Variants in RBFOX1 observed in about 807,000 individuals in gnomAD.
RBFOX1 encodes the protein RNA binding fox-1 homolog 1, also known as RNA binding protein fox-1 homolog 1.
A neutral mutation model predicts 57.7 loss-of-function variants in RBFOX1; 8 were observed. The ratio of observed to expected loss-of-function variants is 0.14; its 90% CI spans 0.08 to 0.25. The LOEUF is 0.25. RBFOX1 is among the 10% of genes least tolerant of loss of function. The pLI, the probability that RBFOX1 is intolerant of heterozygous loss-of-function variation, is 1.00. For missense variants in RBFOX1, 611 were observed against 548.5 expected, an observed-to-expected ratio of 1.11 and a Z score of -1.14; for synonymous variants, 326 against 222.4, an observed-to-expected ratio of 1.47 and a Z score of -4.15.
rs965419870 is a variant in RBFOX1 at position 7,534,155 on chromosome 16, C to A, written c.270+15766C>A. 2.0e-5 allele frequency among the ~76,000 whole-genome samples: 3 copies of A among 148,098 alleles called. No individual in the cohort carries two copies. In the East Asian group the frequency reaches 5.9e-4, roughly 29 times the overall value. On this transcript the variant is annotated intron_variant, in intron 5 of 15. Transcript: ENST00000550418. ...AGGCTGGAGTGCAGTGGCTCGATCT[C>A]GGCTCACTGCAGCCTCCACCTCCCA... is the stretch of plus-strand genomic sequence containing the variant.
At chr16:7,489,485 C>G (rs933721611) in intron 4 of RBFOX1, among the ~76,000 whole-genome samples, 2 of 150,196 alleles carry the variant, frequency 1.3e-5, no homozygotes, top group Admixed American at 6.7e-5. Context: ...GATTAAAAAA[C>G]TGAGGCTTGG....
chr16:5,833,210 C>G (rs2056340313), intron 3 of RBFOX1, among the ~76,000 whole-genome samples: 1 of 152,116 alleles, frequency 6.6e-6, no homozygotes, highest in Non-Finnish European at 1.5e-5. Flanking sequence ...AATATGAAAT[C>G]TGGCCAGGCG....
intron 4 of RBFOX1, among the ~76,000 whole-genome samples, chr16:7,224,049 G>T (rs184523245): frequency 1.4e-5 from 2 of 145,714 alleles, no homozygotes; most frequent in Non-Finnish European, 3.0e-5. Flanking sequence ...TGACCTTTGG[G>T]ATGCATCAGA....
At chr16:6,819,722 AAAAAAAAAATAACAAC>A (rs2090910554) in intron 3 of RBFOX1, among the ~76,000 whole-genome samples, 1 of 144,708 alleles carries the variant, frequency 6.9e-6, no homozygotes, top group African/African-American at 2.6e-5. Flanking sequence ...AAAAAAAAAA[AAAAAAAAAATAACAAC>A]ACCAAAAGGT....
At chr16:7,084,779 C>A (rs1240356756) in intron 4 of RBFOX1, among the ~76,000 whole-genome samples, 1 of 152,214 alleles carries the variant, frequency 6.6e-6, no homozygotes, top group African/African-American at 2.4e-5. Flanking sequence ...AATGTACACA[C>A]AACCATGATG....
rs543570909 is a variant in RBFOX1, at chr16:5,717,157, C to T, written c.318+118196C>T. Among the ~76,000 whole-genome samples the T allele has an allele frequency of 4.6e-5, 7 of 152,176 alleles. No individual in the cohort carries two copies. In the South Asian group the frequency reaches 1.2e-3, roughly 27 times the overall value. On this transcript the variant is annotated intron_variant, in intron 3 of 19. Transcript: ENST00000641259. ...TTAATTTTCAAGGACTTTCATGAAT[C>T]CAGCAGAAAAGTCAAAGTTCAGTGT...
chr16:6,529,413 G>C (rs2096625547), intron 2 of RBFOX1, among the ~76,000 whole-genome samples: 1 of 151,970 alleles, frequency 6.6e-6, no homozygotes, highest in East Asian at 1.9e-4. Context: ...ACAAAAATCA[G>C]TTGGGTGTGG....
At chr16:7,243,239 A>G (rs1212943072) in intron 4 of RBFOX1, among the ~76,000 whole-genome samples, 1 of 152,168 alleles carries the variant, frequency 6.6e-6, no homozygotes, top group African/African-American at 2.4e-5. Flanking sequence ...ACTTGGCATG[A>G]ATGTACCACA....
At chr16:6,827,539 C>G (rs1218845243) in intron 3 of RBFOX1, among the ~76,000 whole-genome samples, 1 of 152,070 alleles carries the variant, frequency 6.6e-6, no homozygotes, top group Non-Finnish European at 1.5e-5. Context: ...CCATGTCACT[C>G]CTCTGTTCTC....
intron 4 of RBFOX1, among the ~76,000 whole-genome samples, chr16:7,395,881 A>G (rs1202848635): frequency 6.6e-6 from 1 of 152,168 alleles, no homozygotes; most frequent in African/African-American, 2.4e-5. Flanking sequence ...GCATGGTTAC[A>G]TAAATGTTTG....
chr16:7,574,516 A>T (rs2093129460), intron 5 of RBFOX1, among the ~76,000 whole-genome samples: 1 of 152,160 alleles, frequency 6.6e-6, no homozygotes, highest in Non-Finnish European at 1.5e-5. Flanking sequence ...AGAGTCCAAA[A>T]GCTGAAGAAC....
chr16:6,009,742 A>G (rs1414631955), intron 4 of RBFOX1, among the ~76,000 whole-genome samples: 1 of 151,794 alleles, frequency 6.6e-6, no homozygotes, highest in Admixed American at 6.6e-5. Context: ...TTGTTGGACA[A>G]AATGCACTGA....
chr16:6,823,717 C>G (rs1039469898), intron 3 of RBFOX1, among the ~76,000 whole-genome samples: 1 of 152,168 alleles, frequency 6.6e-6, no homozygotes, highest in Non-Finnish European at 1.5e-5. Flanking sequence ...TTCATTCATT[C>G]AATATTTACC....
intron 4 of RBFOX1, among the ~76,000 whole-genome samples, chr16:7,358,006 G>T (rs1407492860): frequency 6.6e-6 from 1 of 152,130 alleles, no homozygotes; most frequent in Non-Finnish European, 1.5e-5. Flanking sequence ...TCTTCCATGT[G>T]GGCTAATGAC....
chr16:7,019,023 A>C (rs2094066932), intron 3 of RBFOX1, among the ~76,000 whole-genome samples: 1 of 152,092 alleles, frequency 6.6e-6, no homozygotes. Context: ...GTTCTTGTTC[A>C]GAACTGAAAA....
chr16:6,021,531 G>C (rs1367847822), intron 1 of RBFOX1, among the ~76,000 whole-genome samples: 2 of 152,200 alleles, frequency 1.3e-5, no homozygotes, highest in Non-Finnish European at 2.9e-5. Flanking sequence ...GTAAAAAGTG[G>C]GGCTGACTCA....
intron 1 of RBFOX1, among the ~76,000 whole-genome samples, chr16:6,126,465 C>A (rs1358767067): frequency 6.6e-6 from 1 of 152,064 alleles, no homozygotes; most frequent in Non-Finnish European, 1.5e-5. Flanking sequence ...CTTCCAGTGT[C>A]CCATTTTAGA....
In RBFOX1 at chr16:6,304,020, C is replaced by G. The variant is rs528919408; in HGVS notation, c.-126-12975C>G. On this transcript the variant is annotated intron_variant, in intron 1 of 15. Coordinates refer to ENST00000550418, the MANE Select transcript of RBFOX1 (RefSeq NM_018723.4). ...AGAATCGGGGTTTCACCATGTTGAT[C>G]AGGCTCGTCTTGAACTCCTGACCTC... Among the ~76,000 whole-genome samples the G allele has an allele frequency of 4.0e-5, 6 of 151,572 alleles. No homozygotes were observed. In the East Asian group the frequency reaches 1.2e-3, roughly 30 times the overall value.
At chr16:7,349,322 C>G (rs1361590697) in intron 4 of RBFOX1, among the ~76,000 whole-genome samples, 3 of 152,260 alleles carry the variant, frequency 2.0e-5, no homozygotes, top group East Asian at 1.9e-4. Flanking sequence ...AAACGCATGT[C>G]TAAGGCGCAA....
Sources: allele counts gnomAD v4.1 joint callset (sites outside exome capture counted in the v4.1 genomes callset), GRCh38; gene constraint gnomAD v4.1.1; transcripts MANE v1.5; gene names NCBI Gene and HGNC (gene_info 2026-07-23, HGNC 2026-07-21).